Variants in HPGD observed in about 807,000 individuals in gnomAD.
HPGD encodes 15-hydroxyprostaglandin dehydrogenase [NAD(+)].
In HPGD, 29 loss-of-function variants were observed where a neutral mutation model predicts 30.0. The ratio of observed to expected loss-of-function variants is 0.97; its 90% confidence interval spans 0.72 to 1.32. HPGD has a LOEUF of 1.32. HPGD is among the 40% of genes most tolerant of loss of function. The pLI, the probability that HPGD is intolerant of heterozygous loss-of-function variation, is 0.00. For synonymous variants in HPGD, 99 were observed against 112.4 expected, an observed-to-expected ratio of 0.88 and a Z score of 0.75; for missense variants, 340 against 322.1, an observed-to-expected ratio of 1.06 and a Z score of -0.43.
At chr4:174,515,953 T>A (rs1181431006) in intron 3 of HPGD, among the ~76,000 whole-genome samples, 1 of 152,126 alleles carries the variant, frequency 6.6e-6, no homozygotes, top group East Asian at 1.9e-4. Flanking sequence ...GCGATCAGAA[T>A]GGCTATCATT....
At chr4:174,506,129 G>A (rs1291532155) in intron 4 of HPGD, among the ~76,000 whole-genome samples, 1 of 152,166 alleles carries the variant, frequency 6.6e-6, no homozygotes, top group Admixed American at 6.5e-5. Context: ...GGATGACAAA[G>A]CAAGCTCCTA....
At chr4:174,516,209 A>T (rs1190411181) in intron 3 of HPGD, among the ~76,000 whole-genome samples, 1 of 152,120 alleles carries the variant, frequency 6.6e-6, no homozygotes, top group Non-Finnish European at 1.5e-5. Context: ...TCATCGCAAC[A>T]CTATTCACAA....
chr4:174,506,682 A>G (rs1488697544), intron 4 of HPGD: 3 of 152,248 alleles, frequency 2.0e-5, no homozygotes, highest in Non-Finnish European at 4.4e-5. Flanking sequence ...GATATCAGGT[A>G]AACAGTGCTC....
At chr4:174,498,696 A>G (rs1734762455) in intron 4 of HPGD, among the ~76,000 whole-genome samples, 1 of 149,918 alleles carries the variant, frequency 6.7e-6, no homozygotes, top group Admixed American at 6.7e-5. Context: ...TGTTTCATTT[A>G]GTCAAGTTGT....
At position 174,495,634 on chromosome 4, in the gene HPGD, A is replaced by G. The variant is rs746864779; in HGVS notation, c.422-10T>C. 1 of 1,593,660 alleles carries G rather than the reference A, an allele frequency of 6.3e-7. No individual in the cohort carries two copies. On this transcript the variant is annotated splice_polypyrimidine_tract_variant and intron_variant, in intron 4 of 6. Coordinates refer to ENST00000296522, the MANE Select transcript of HPGD (RefSeq NM_000860.6). ...GCAACGGGCATGAGTCCTGAAACAG[A>G]CAAATATAACATTTAAATGCTTTGA...
At chr4:174,510,690 A>AATTTTTCAAAT (rs1735441588) in intron 3 of HPGD, among the ~76,000 whole-genome samples, 3 of 152,214 alleles carry the variant, frequency 2.0e-5, no homozygotes, top group African/African-American at 7.2e-5. Context: ...CAAATGAAAG[A>AATTTTTCAAAT]GTTCAAAGGA....
At chr4:174,518,237 T>C (rs1180665076) in intron 2 of HPGD, among the ~76,000 whole-genome samples, 160 bp from the exon 3 acceptor site, 1 of 152,208 alleles carries the variant, frequency 6.6e-6, no homozygotes, top group Non-Finnish European at 1.5e-5. Flanking sequence ...TCTCAATGTG[T>C]GGTTTGTGGA....
In HPGD at chr4:174,522,029, C is replaced by T; in HGVS notation, c.132G>A (p.Gln44=). Residue 44 remains glutamine (Q), a synonymous_variant, in exon 2 of 7, where the codon CAG becomes CAA. Transcript: ENST00000296522. Reference sequence around the variant, plus strand: ...ACTGCTCATCCAGGGCAGCTTTACACTGTACACCTGCTTCAAGATTCCAAT... The same window carrying T: ...ACTGCTCATCCAGGGCAGCTTTACATTGTACACCTGCTTCAAGATTCCAAT... ...LVDWNLEAGV[Q]CKAALDEQFE... 6.2e-7 allele frequency: 1 copy of T among 1,614,210 alleles called. No individual in the cohort carries two copies. The highest frequency in any genetic ancestry group is 2.2e-5 in the East Asian group (1 of 44,884).
chr4:174,498,849 T>C (rs1171139329), intron 4 of HPGD, among the ~76,000 whole-genome samples: 1 of 152,234 alleles, frequency 6.6e-6, no homozygotes, highest in Admixed American at 6.5e-5. Context: ...TTACTACCTA[T>C]ACTTCAGTTT....
chr4:174,519,830 T>C (rs1356029288), intron 2 of HPGD, among the ~76,000 whole-genome samples: 3 of 152,274 alleles, frequency 2.0e-5, no homozygotes, highest in East Asian at 1.9e-4. Context: ...ATAAACAGCC[T>C]TGTTGCTCAC....
intron 2 of HPGD, among the ~76,000 whole-genome samples, chr4:174,520,742 A>T (rs567936699): frequency 6.6e-6 from 1 of 152,352 alleles, no homozygotes; most frequent in South Asian, 2.1e-4. Context: ...CATCAGCATG[A>T]ATGTTGAGAT....
chr4:174,514,009 C>A (rs1398749774), intron 3 of HPGD, among the ~76,000 whole-genome samples: 1 of 151,840 alleles, frequency 6.6e-6, no homozygotes, highest in Non-Finnish European at 1.5e-5. Flanking sequence ...ATGAACAGAT[C>A]AAGGACATAA....
chr4:174,501,445 C>T (rs1734893853), intron 4 of HPGD, among the ~76,000 whole-genome samples: 1 of 151,992 alleles, frequency 6.6e-6, no homozygotes, highest in Non-Finnish European at 1.5e-5. Flanking sequence ...AAAATAGATA[C>T]CTTATATTAA....
intron 4 of HPGD, chr4:174,506,613 G>A (rs927178926): frequency 6.6e-6 from 1 of 152,150 alleles, no homozygotes; most frequent in South Asian, 2.1e-4. Flanking sequence ...AAATTATATA[G>A]AGTTTACCTC....
intron 4 of HPGD, 52 bp from the exon 5 acceptor site, chr4:174,495,676 C>T: frequency 3.4e-6 from 4 of 1,189,866 alleles, no homozygotes; most frequent in Non-Finnish European, 5.0e-6. Context: ...AATAAGTAGA[C>T]TATACCCAGT....
chr4:174,517,947 A>G, intron 3 of HPGD, 24 bp downstream of exon 3: 2 of 1,185,508 alleles, frequency 1.7e-6, no homozygotes, highest in South Asian at 2.5e-5. Context: ...ATTATAGACA[A>G]GAAATATAGC....
upstream of HPGD, chr4:174,522,545 CGGCGGGGCGCTCCCCTGCCAGTG>C: frequency 4.6e-6 from 4 of 866,928 alleles, no homozygotes; most frequent in South Asian, 8.1e-5. Context: ...GCGTGCAGCC[CGGCGGGGCGCTCCCCTGCCAGTG>C]GGCGGGGAGG....
chr4:174,518,151 G>A, intron 2 of HPGD, 74 bp from the exon 3 acceptor site: 2 of 760,620 alleles, frequency 2.6e-6, no homozygotes, highest in Non-Finnish European at 4.6e-6. Context: ...CCTATGCCAT[G>A]AGAGGAATTT....
At chr4:174,497,050 A>C (rs1213045292) in intron 4 of HPGD, among the ~76,000 whole-genome samples, 1 of 152,228 alleles carries the variant, frequency 6.6e-6, no homozygotes, top group East Asian at 1.9e-4. Flanking sequence ...TGGAAGATAA[A>C]GGGAATAAAA....
Sources: allele counts gnomAD v4.1 joint callset (sites outside exome capture counted in the v4.1 genomes callset), GRCh38; gene constraint gnomAD v4.1.1; transcripts MANE v1.5; gene names NCBI Gene and HGNC (gene_info 2026-07-23, HGNC 2026-07-21).